The following SLC38A10 variants were observed in gnomAD, a reference collection of about 807,000 sequenced individuals.
The protein encoded by SLC38A10 is solute carrier family 38 member 10.
SLC38A10 carries 53 observed loss-of-function variants against 81.0 expected under a neutral mutation model. The ratio of observed to expected loss-of-function variants is 0.65; its 90% CI spans 0.53 to 0.82. The LOEUF is 0.82. SLC38A10 is among the 40% of genes least tolerant of loss of function. The pLI, the probability that SLC38A10 is intolerant of heterozygous loss-of-function variation, is 0.00. For missense variants in SLC38A10, 1,471 were observed against 1,545.0 expected (o/e 0.95, Z 0.80); for synonymous variants, 665 against 655.3 (o/e 1.01, Z -0.23).
Position 81,245,731 on chromosome 17 carries a change from C to G in SLC38A10, c.3185G>C (p.Gly1062Ala). The change falls in exon 16 of 16, where the codon GGT becomes GCT. Residue 1062 changes from glycine (G) to alanine (A), a missense_variant. Gly to Ala is a moderately conservative substitution (Grantham distance 60). Transcript: ENST00000374759. The part of the protein sequence containing the change: ...RRRDLGPHAE[G>A]QLAPRDGVII... ...GACCCCATCCCTCGGGGCCAGCTGA[C>G]CCTCTGCATGAGGGCCAAGGTCCCG... 6.3e-7 allele frequency: 1 copy of G among 1,597,784 alleles called. No individual in the cohort carries two copies. The highest frequency in any genetic ancestry group is 8.6e-7 in the Non-Finnish European group (1 of 1,168,630).
intron 9 of SLC38A10, among the ~76,000 whole-genome samples, 187 bp downstream of exon 9, chr17:81,272,329 G>T (rs2063123790): frequency 6.6e-6 from 1 of 151,984 alleles, no homozygotes; most frequent in Admixed American, 6.6e-5. Context: ...ACCGCACCTG[G>T]CTCAAGTTGC....
In SLC38A10 at chr17:81,246,509, G is replaced by A. The variant is rs766576009; in HGVS notation, c.2407C>T (p.Leu803=). ...APSQDLNQRS[L]EHSEGPVGRD... is the part of the protein sequence containing the mutation. ...CCCACAGGCCCCTCAGAGTGCTCCA[G>A]GGAGCGCTGGTTAAGGTCCTGGGAT... is the stretch of plus-strand genomic sequence containing the variant. Residue 803 remains leucine (L), a synonymous_variant, in exon 16 of 16, where the codon CTG becomes TTG. Coordinates refer to ENST00000374759, the MANE Select transcript of SLC38A10 (RefSeq NM_001037984.3). 7.5e-5 allele frequency: 115 copies of A among 1,533,054 alleles called. No homozygotes were observed. The highest frequency in any genetic ancestry group is 1.2e-4 in the African/African-American group (9 of 72,226). The allele number at this position is 1,533,054 out of a possible 1,614,324, so 95.0% of individuals were successfully genotyped here.
At chr17:81,260,756 G>A (rs1478064923) in intron 10 of SLC38A10, among the ~76,000 whole-genome samples, 2 of 152,234 alleles carry the variant, frequency 1.3e-5, no homozygotes, top group African/African-American at 4.8e-5. Context: ...CATTCAGGAC[G>A]GAGCGGGAGG....
chr17:81,249,444 G>A (rs1263498884), intron 14 of SLC38A10, among the ~76,000 whole-genome samples: 2 of 137,948 alleles, frequency 1.4e-5, no homozygotes, highest in African/African-American at 2.6e-5. Flanking sequence ...GGAGGGAGAA[G>A]GAGGGAGGGA....
At chr17:81,280,380 T>C (rs1220675868) in intron 6 of SLC38A10, among the ~76,000 whole-genome samples, 4 of 152,206 alleles carry the variant, frequency 2.6e-5, no homozygotes, top group Non-Finnish European at 5.9e-5. Flanking sequence ...CCAGGGACTC[T>C]CACCAGCTAG....
At position 81,288,540 on chromosome 17, in the gene SLC38A10, C is replaced by T. The variant is rs989181582; in HGVS notation, c.217+1151G>A. Reference sequence around the variant, plus strand: ...GAGCCTGTGGCGGGCAGGGAGACAGCGCGGGCCACACAGCCTGTGGGCAGA... The same window carrying T: ...GAGCCTGTGGCGGGCAGGGAGACAGTGCGGGCCACACAGCCTGTGGGCAGA... On this transcript the variant is annotated intron_variant, in intron 2 of 15. Coordinates refer to ENST00000374759, the MANE Select transcript of SLC38A10 (RefSeq NM_001037984.3). The surrounding 1 kb of genome is among the most constrained non-coding windows in gnomAD (Gnocchi z 5.4). Among the ~76,000 whole-genome samples, 1 of 152,174 alleles carries T rather than the reference C, an allele frequency of 6.6e-6. No individual in the cohort carries two copies. Among genetic ancestry groups the T allele is most frequent in the Non-Finnish European group, 1.5e-5 (1 of 68,026 alleles).
chr17:81,257,321 C>G (rs1298348072), intron 11 of SLC38A10, among the ~76,000 whole-genome samples: 1 of 152,162 alleles, frequency 6.6e-6, no homozygotes, highest in Non-Finnish European at 1.5e-5. Context: ...GTCTCAAACT[C>G]CTGACCTCAG....
At chr17:81,269,045 C>T (rs1487662195) in intron 10 of SLC38A10, among the ~76,000 whole-genome samples, 1 of 152,106 alleles carries the variant, frequency 6.6e-6, no homozygotes, top group South Asian at 2.1e-4. Flanking sequence ...GTATTTAACA[C>T]GATAAAAGAC....
At chr17:81,287,214 G>A (rs1433562023) in intron 2 of SLC38A10, among the ~76,000 whole-genome samples, 2 of 152,224 alleles carry the variant, frequency 1.3e-5, no homozygotes, top group Non-Finnish European at 2.9e-5. Flanking sequence ...GCGATCAGCG[G>A]CCACCTCCCC....
At chr17:81,262,189 C>T (rs548052908) in intron 10 of SLC38A10, among the ~76,000 whole-genome samples, 125 of 152,284 alleles carry the variant, frequency 8.2e-4, no homozygotes, top group Non-Finnish European at 1.5e-3. Context: ...GGCCTGAGGC[C>T]GGAAGGAAAG....
chr17:81,291,330 AC>A (rs2063308865), intron 1 of SLC38A10, among the ~76,000 whole-genome samples: 2 of 151,700 alleles, frequency 1.3e-5, no homozygotes, highest in Admixed American at 1.3e-4. Context: ...GAAAACACAC[AC>A]AAAAAATTAG....
At position 81,271,008 on chromosome 17, in the gene SLC38A10, G is replaced by A. The variant is rs148018798; in HGVS notation, c.1041C>T (p.Gly347=). Residue 347 remains glycine, a synonymous_variant, in exon 10 of 16, where the codon GGC becomes GGT. Coordinates refer to ENST00000374759, the MANE Select transcript of SLC38A10 (RefSeq NM_001037984.3). ...ILIPNVETIL[G]LTGATMGSLI... is the part of the protein sequence containing the mutation. The stretch of plus-strand genomic sequence containing the variant: ...GGCTTCCCATGGTCGCTCCTGTGAG[G>A]CCCAGGATGGTCTCCACTAGGATGG... The A allele has an allele frequency of 5.5e-5, 88 of 1,612,486 alleles. No homozygotes were observed. In the Middle Eastern group the frequency reaches 6.6e-4, roughly 12 times the overall value.
Position 81,283,264 on chromosome 17 carries a change from T to C in SLC38A10, c.357+145A>G, listed in dbSNP as rs1279936851. The C allele has an allele frequency of 7.4e-6, 5 of 673,518 alleles. No individual in the cohort carries two copies. The highest frequency in any genetic ancestry group is 1.3e-5 in the Non-Finnish European group (5 of 394,870). 41.7% of individuals were successfully genotyped at this position (673,518 alleles called of 1,614,324 possible). On this transcript the variant is annotated intron_variant, in intron 4 of 15. Transcript: ENST00000374759. The surrounding 1 kb of genome is among the most constrained non-coding windows in gnomAD (Gnocchi z 4.7). ...ACGTGACCCAGCAAAGCCCCCGCAC[T>C]CCACCAAGCCCCTAGAATGACAGCA...
At chr17:81,294,732 C>G (rs764226683) in intron 1 of SLC38A10, 91 bp downstream of exon 1, 202 of 1,221,474 alleles carry the variant, frequency 1.7e-4, no homozygotes, top group Admixed American at 3.6e-4. Flanking sequence ...CGAAGCCCTG[C>G]CCCGGCGGGA....
In SLC38A10 at chr17:81,277,922, C is replaced by G. The variant is rs977481545; in HGVS notation, c.627-789G>C. ...AGAGCTGCTCTGCCATGGGGCTGAA[C>G]GAGGACTCTGGAGTGGGAGTCCAGG... On this transcript the variant is annotated intron_variant, in intron 6 of 15. Coordinates refer to ENST00000374759, the MANE Select transcript of SLC38A10 (RefSeq NM_001037984.3). This position sits in a 1 kb window ranked among gnomAD's most constrained non-coding sequence, Gnocchi z 4.5. 9.2e-5 allele frequency among the ~76,000 whole-genome samples: 14 copies of G among 151,784 alleles called. No homozygotes were observed. The highest frequency in any genetic ancestry group is 9.2e-4 in the Admixed American group (14 of 15,248).
rs1435312722 is a variant in SLC38A10, at chr17:81,281,795, A to T, written c.501+394T>A. Among the ~76,000 whole-genome samples, 1 of 152,000 alleles carries T rather than the reference A, an allele frequency of 6.6e-6. No homozygotes were observed. Among genetic ancestry groups the T allele is most frequent in the East Asian group, 1.9e-4 (1 of 5,184 alleles). On this transcript the variant is annotated intron_variant, in intron 5 of 15. Coordinates refer to ENST00000374759, the MANE Select transcript of SLC38A10 (RefSeq NM_001037984.3). This position sits in a 1 kb window ranked among gnomAD's most constrained non-coding sequence, Gnocchi z 5.3. ...CGTCTCAAAAAACAAACAAACAAACAAACAACAATAGCTTGCCACCTTGTG... is the reference window on the plus strand; with the variant it reads ...CGTCTCAAAAAACAAACAAACAAACTAACAACAATAGCTTGCCACCTTGTG...
At position 81,252,364 on chromosome 17, in the gene SLC38A10, T is replaced by G; in HGVS notation, c.1776A>C (p.Ala592=). 1 of 1,613,168 alleles carries G rather than the reference T, an allele frequency of 6.2e-7. No individual in the cohort carries two copies. The highest frequency in any genetic ancestry group is 8.5e-7 in the Non-Finnish European group (1 of 1,179,996). Residue 592 remains alanine (A), a synonymous_variant, in exon 13 of 16, where the codon GCA becomes GCC. Coordinates refer to ENST00000374759, the MANE Select transcript of SLC38A10 (RefSeq NM_001037984.3). ...TGTCTCCTGGCCCCAGGTCCTCCTT[T>G]GCAGGCTGGACAGCTGGCTGACCAT... ...EADGQPAVQP[A]KEDLGPGDRG...
intron 1 of SLC38A10, among the ~76,000 whole-genome samples, chr17:81,294,218 A>G (rs2063331055): frequency 6.6e-6 from 1 of 151,858 alleles, no homozygotes; most frequent in Non-Finnish European, 1.5e-5. Flanking sequence ...TTCAGTAGAG[A>G]TGGGGTTTCA....
intron 9 of SLC38A10, 75 bp from the exon 10 acceptor site, chr17:81,271,099 GCA>G: frequency 7.9e-7 from 1 of 1,269,802 alleles, no homozygotes; most frequent in Non-Finnish European, 1.1e-6. Flanking sequence ...CTTTTGCCCT[GCA>G]CACGGGTGAG....
Sources: gnomAD v4.1 joint callset for allele counts (sites outside exome capture counted in the v4.1 genomes callset) on GRCh38, gnomAD v4.1.1 for gene constraint, Gnocchi (gnomAD v3.1) non-coding constraint, MANE v1.5 for transcripts, NCBI Gene and HGNC (gene_info 2026-07-23, HGNC 2026-07-21) for gene names.